The following MGAM variants were observed in gnomAD, a reference collection of about 807,000 sequenced individuals.
MGAM encodes maltase-glucoamylase, also known as alpha-1,4-glucosidase.
In MGAM, 253 loss-of-function variants were observed where a neutral mutation model predicts 358.8. The observed-to-expected ratio is 0.71, with a 90% confidence interval of 0.64 to 0.78. The LOEUF (loss-of-function observed/expected upper bound fraction) is 0.78. MGAM is among the 30% of genes least tolerant of loss of function. The pLI is 0.00. For missense variants in MGAM, 3,080 were observed against 3,432.6 expected, an observed-to-expected ratio of 0.90 and a Z score of 2.57; for synonymous variants, 1,105 against 1,227.1, an observed-to-expected ratio of 0.90 and a Z score of 2.08.
In MGAM at chr7:142,092,113, A is replaced by C. The variant is rs2129059148; in HGVS notation, c.6945+66A>C. ...TATCTTTGTGTGCCTACGTGTATGT[A>C]CCACTGACCTTCAGTCAAGAGGATA... On this transcript the variant is annotated intron_variant, in intron 58 of 70. Transcript: ENST00000475668. The C allele has an allele frequency of 1.1e-5, 17 of 1,505,382 alleles. 4 individuals are homozygous for C. The South Asian group carries it at 1.9e-4, about 17-fold the overall frequency. The allele number at this position is 1,505,382 out of a possible 1,614,324, so 93.3% of individuals were successfully genotyped here.
In MGAM at chr7:142,093,482, C is replaced by T. The variant is rs182047547; in HGVS notation, c.7104C>T (p.Asp2368=). 1.7e-4 allele frequency: 256 copies of T among 1,523,422 alleles called. 28 individuals carry two copies. The African/African-American group carries it at 1.9e-3, about 11-fold the overall frequency. 94.4% of individuals were successfully genotyped at this position (1,523,422 alleles called of 1,614,324 possible). Residue 2368 remains aspartate, a synonymous_variant, in exon 60 of 71, where the codon GAC becomes GAT. Coordinates refer to ENST00000475668, the MANE Select transcript of MGAM (RefSeq NM_001365693.1). ...LCMESQQILP[D]GSPVQHYNVH... ...TGGAGAGTCAGCAGATCCTCCCAGA[C>T]GGCTCCCCGGTGCAGCACTACAATG...
intron 4 of MGAM, among the ~76,000 whole-genome samples, chr7:142,020,367 GA>G (rs1309275634): frequency 6.6e-6 from 1 of 152,144 alleles, no homozygotes; most frequent in African/African-American, 2.4e-5. Context: ...AATTAATACC[GA>G]ATGACTGATG....
chr7:142,045,182 TA>T lies in MGAM; in HGVS notation c.2499-2602del, dbSNP rs1809943341. On this transcript the variant is annotated intron_variant, in intron 21 of 70. Transcript: ENST00000475668. ...TATATAATATATATATTATATAACA[TA>T]TATGATATATAATATATATTATATA... Among the ~76,000 whole-genome samples the T allele has an allele frequency of 2.5e-5, 2 of 78,832 alleles. 1 individual carries two copies. Among genetic ancestry groups the T allele is most frequent in the Admixed American group, 4.0e-4 (2 of 5,062 alleles). 51.7% of individuals were successfully genotyped at this position (78,832 alleles called of 152,430 possible).
chr7:142,034,860 C>T lies in MGAM; in HGVS notation c.1959+19C>T, dbSNP rs1807843198. On this transcript the variant is annotated intron_variant, in intron 16 of 70. Transcript: ENST00000475668. ...CCCAATGGTGAGCTGCTACCTCAAG[C>T]TCTCTTATGAACCTGAATTCCCAGG... 1 of 1,602,748 alleles carries T rather than the reference C, an allele frequency of 6.2e-7. No individual in the cohort carries two copies. Among genetic ancestry groups the T allele is most frequent in the Non-Finnish European group, 8.5e-7 (1 of 1,172,790 alleles).
rs781803694 is a variant in MGAM at position 142,036,873 on chromosome 7, C to A, written c.2127C>A (p.Ser709=). The change falls in exon 18 of 71, where the codon TCC becomes TCA. Residue 709 remains serine (S), a synonymous_variant. Transcript: ENST00000475668. ...FGADSLLLNS[S]RHYLNIRYTL... ...CTGACTCCCTGCTGTTGAATTCCTC[C>A]AGGCACTACCTTAACATCCGCTATA... The A allele has an allele frequency of 6.2e-7, 1 of 1,613,636 alleles. No individual in the cohort carries two copies. The highest frequency in any genetic ancestry group is 1.7e-5 in the Admixed American group (1 of 60,018).
chr7:142,052,603 C>T (rs931686882), intron 25 of MGAM, among the ~76,000 whole-genome samples, 157 bp downstream of exon 25: 8 of 152,030 alleles, frequency 5.3e-5, no homozygotes, highest in Non-Finnish European at 1.0e-4. Context: ...GGGACATGTG[C>T]GAAACTTCTT....
At chr7:142,010,122 T>C (rs998244937) in intron 3 of MGAM, among the ~76,000 whole-genome samples, 1 of 152,158 alleles carries the variant, frequency 6.6e-6, no homozygotes, top group Non-Finnish European at 1.5e-5. Flanking sequence ...AGGGAATCCT[T>C]TTCCAGTACA....
At chr7:142,016,371 AC>A (rs1374219181) in intron 3 of MGAM, among the ~76,000 whole-genome samples, 1 of 151,894 alleles carries the variant, frequency 6.6e-6, no homozygotes. Context: ...TCCATCAATT[AC>A]TCTGGGTGTT....
intron 24 of MGAM, among the ~76,000 whole-genome samples, chr7:142,051,559 A>G (rs1351853266): frequency 1.3e-5 from 2 of 152,200 alleles, no homozygotes; most frequent in Non-Finnish European, 1.5e-5. Flanking sequence ...ATTTGAACTA[A>G]TGGTATTCAA....
intron 51 of MGAM, 102 bp from the exon 52 acceptor site, chr7:142,082,373 T>G: frequency 7.8e-7 from 1 of 1,279,110 alleles, no homozygotes. Context: ...ATTGATTTCA[T>G]GGAGAAAACT....
chr7:142,104,453 TTAAGA>T (rs1398174524), intron 70 of MGAM, among the ~76,000 whole-genome samples: 3 of 152,196 alleles, frequency 2.0e-5, no homozygotes, highest in East Asian at 1.9e-4. Flanking sequence ...TACAAATTGG[TTAAGA>T]TATTTCCTCT....
intron 44 of MGAM, among the ~76,000 whole-genome samples, chr7:142,072,012 T>C (rs1813385103): frequency 6.8e-6 from 1 of 146,190 alleles, no homozygotes; most frequent in Non-Finnish European, 1.5e-5. Context: ...CTAGACTTTT[T>C]TATGATACTA....
At chr7:142,024,906 C>T in intron 7 of MGAM, 144 bp from the exon 8 acceptor site, 2 of 600,330 alleles carry the variant, frequency 3.3e-6, no homozygotes, top group South Asian at 2.1e-5. Flanking sequence ...AGATATAGAC[C>T]CCATCTTTTA....
At chr7:141,994,037 G>A (rs1804058910), upstream of MGAM, among the ~76,000 whole-genome samples, 4 of 152,086 alleles carry the variant, frequency 2.6e-5, no homozygotes, top group Admixed American at 1.3e-4. Flanking sequence ...CGCCATGCCC[G>A]GCTAATTTTC....
At chr7:142,043,260 C>A (rs1487807014) in intron 21 of MGAM, among the ~76,000 whole-genome samples, 6 of 6,904 alleles carry the variant, frequency 8.7e-4, no homozygotes, top group Admixed American at 4.7e-3. Context: ...CATATAATAT[C>A]TAAATATAAT....
chr7:142,042,009 A>AATATAATATATATATATTATATTATATAC (rs1808795071), intron 21 of MGAM, among the ~76,000 whole-genome samples: 2 of 16,124 alleles, frequency 1.2e-4, no homozygotes, highest in Non-Finnish European at 2.6e-4. Flanking sequence ...TTATATATAT[A>AATATAATATATATATATTATATTATATAC]ATATAATATA....
chr7:142,064,545 C>T (rs757454046), intron 37 of MGAM, 23 bp downstream of exon 37: 1 of 1,562,912 alleles, frequency 6.4e-7, no homozygotes, highest in Non-Finnish European at 8.7e-7. Flanking sequence ...CTCCCTTCTC[C>T]AGCTGTCACA....
intron 30 of MGAM, among the ~76,000 whole-genome samples, chr7:142,057,646 GTGA>G (rs1811691401): frequency 1.3e-5 from 2 of 151,596 alleles, no homozygotes; most frequent in South Asian, 4.2e-4. Flanking sequence ...GGTGAAAATA[GTGA>G]TGATGGTGGT....
intron 1 of MGAM, among the ~76,000 whole-genome samples, chr7:141,998,037 T>G (rs1216475338): frequency 1.3e-5 from 2 of 152,178 alleles, no homozygotes; most frequent in Non-Finnish European, 1.5e-5. Context: ...CTGGCTATAA[T>G]GCCGGAAAGA....
Sources: gnomAD v4.1 joint callset for allele counts (sites outside exome capture counted in the v4.1 genomes callset) on GRCh38, gnomAD v4.1.1 for gene constraint, MANE v1.5 for transcripts, NCBI Gene and HGNC (gene_info 2026-07-23, HGNC 2026-07-21) for gene names.